The following CACNA1C variants were observed in gnomAD, a reference collection of about 807,000 sequenced individuals.
CACNA1C encodes voltage-dependent L-type calcium channel subunit alpha-1C.
A neutral mutation model predicts 229.0 loss-of-function variants in CACNA1C; 30 were observed. The observed-to-expected ratio is 0.13, with a 90% confidence interval of 0.10 to 0.18. The LOEUF (loss-of-function observed/expected upper bound fraction) is 0.18, where lower values mean the gene tolerates loss of function less well. CACNA1C is among the 10% of genes least tolerant of loss of function. The pLI is 1.00. For synonymous variants in CACNA1C, 1,114 were observed against 1,132.5 expected, an observed-to-expected ratio of 0.98 and a Z score of 0.33; for missense variants, 1,658 against 2,845.0, an observed-to-expected ratio of 0.58 and a Z score of 9.49.
chr12:2,524,799 A>T (rs1229417697), intron 9 of CACNA1C, among the ~76,000 whole-genome samples: 2 of 152,210 alleles, frequency 1.3e-5, no homozygotes, highest in Non-Finnish European at 2.9e-5. Context: ...CGGCCGGAAC[A>T]CAGCTCCCAC....
chr12:2,164,425 T>C (rs768906467), intron 3 of CACNA1C, among the ~76,000 whole-genome samples: 1 of 152,210 alleles, frequency 6.6e-6, no homozygotes, highest in Non-Finnish European at 1.5e-5. Context: ...TCCATATCTG[T>C]AAAATGAGAG....
chr12:2,040,720 G>A (rs369728019), intron 1 of CACNA1C, among the ~76,000 whole-genome samples: 77 of 152,308 alleles, frequency 5.1e-4, no homozygotes, highest in Middle Eastern at 6.8e-3. Context: ...AAAGATTATT[G>A]GGTGCTTCAA....
chr12:2,202,954 C>A (rs962380687), intron 3 of CACNA1C, among the ~76,000 whole-genome samples: 1 of 152,152 alleles, frequency 6.6e-6, no homozygotes, highest in Non-Finnish European at 1.5e-5. Flanking sequence ...TCTGGAAACC[C>A]AAGTACAATC....
intron 46 of CACNA1C, among the ~76,000 whole-genome samples, 177 bp downstream of exon 46, chr12:2,688,956 C>A (rs1323800198): frequency 1.3e-5 from 2 of 152,202 alleles, no homozygotes; most frequent in African/African-American, 4.8e-5. Context: ...GCCATGACTG[C>A]ACAAGATGCT....
chr12:2,037,030 A>G (rs1453541931), intron 1 of CACNA1C, among the ~76,000 whole-genome samples: 1 of 152,114 alleles, frequency 6.6e-6, no homozygotes, highest in Non-Finnish European at 1.5e-5. Context: ...TTACTTTGCT[A>G]TGTATGTCCT....
intron 3 of CACNA1C, among the ~76,000 whole-genome samples, chr12:2,266,280 T>C (rs1166690831): frequency 2.0e-5 from 3 of 152,186 alleles, no homozygotes; most frequent in Non-Finnish European, 4.4e-5. Context: ...ACTGGGGGCA[T>C]ATGGCCTTGT....
At chr12:2,450,234 C>T (rs1174125019) in intron 4 of CACNA1C, among the ~76,000 whole-genome samples, 2 of 152,096 alleles carry the variant, frequency 1.3e-5, no homozygotes, top group African/African-American at 2.4e-5. Context: ...AACAGGCCTA[C>T]CTACACTGGT....
At position 2,479,099 on chromosome 12, in the gene CACNA1C, C is replaced by T. The variant is rs759366705; in HGVS notation, c.758-7005C>T. On this transcript the variant is annotated intron_variant, in intron 5 of 46. Transcript: ENST00000399655. This position sits in a 1 kb window ranked among gnomAD's most constrained non-coding sequence, Gnocchi z 4.3. ...ATCTACATTTTCTTAGAATCTGCAT[C>T]GCAAATCCAAGGATAGTGAGGTTCA... Among the ~76,000 whole-genome samples, 7 of 151,798 alleles carry T rather than the reference C, an allele frequency of 4.6e-5. No homozygotes were observed. Among genetic ancestry groups the T allele is most frequent in the African/African-American group, 7.3e-5 (3 of 41,290 alleles).
intron 3 of CACNA1C, among the ~76,000 whole-genome samples, chr12:2,176,096 T>C (rs377009933): frequency 6.6e-6 from 1 of 152,024 alleles, no homozygotes; most frequent in East Asian, 1.9e-4. Context: ...GACAGGGACA[T>C]GAGGATGCTA....
At chr12:2,535,502 C>A (rs1473436565) in intron 9 of CACNA1C, among the ~76,000 whole-genome samples, 9 of 150,564 alleles carry the variant, frequency 6.0e-5, no homozygotes, top group Admixed American at 4.6e-4. Flanking sequence ...ACTTCAAGAC[C>A]AGTCTGGGCA....
intron 38 of CACNA1C, 31 bp downstream of exon 38, chr12:2,669,066 A>G: frequency 1.4e-6 from 2 of 1,410,770 alleles, no homozygotes; most frequent in South Asian, 2.3e-5. Context: ...TGGGAGAGAC[A>G]CTCAGAAGGT....
At chr12:2,324,056 G>C (rs1356179498) in intron 3 of CACNA1C, among the ~76,000 whole-genome samples, 1 of 152,200 alleles carries the variant, frequency 6.6e-6, no homozygotes, top group East Asian at 1.9e-4. Context: ...ATTTCCATTT[G>C]AGAACAAGCC....
intron 3 of CACNA1C, among the ~76,000 whole-genome samples, chr12:2,303,479 C>A (rs1235339510): frequency 6.6e-6 from 1 of 152,080 alleles, no homozygotes. Flanking sequence ...AATACCCTAC[C>A]CCTAGGCCAG....
chr12:2,585,758 C>A lies in CACNA1C; in HGVS notation c.2461-77C>A. 1 of 1,142,406 alleles carries A rather than the reference C, an allele frequency of 8.8e-7. No individual in the cohort carries two copies. The highest frequency in any genetic ancestry group is 1.3e-6 in the Non-Finnish European group (1 of 770,722). The allele number at this position is 1,142,406 out of a possible 1,614,324, so 70.8% of individuals were successfully genotyped here. A position where few individuals can be genotyped will look rare whatever the true frequency, so the allele number is the denominator to read the frequency against. On this transcript the variant is annotated intron_variant, in intron 17 of 46. Coordinates refer to ENST00000399655, the MANE Select transcript of CACNA1C (RefSeq NM_000719.7). This position sits in a 1 kb window ranked among gnomAD's most constrained non-coding sequence, Gnocchi z 4.1. ...AGCTAAGTCACTGACTAAAATGCAA[C>A]TTCAAGGCTACTGCAAGCCTCTTAA...
intron 3 of CACNA1C, among the ~76,000 whole-genome samples, chr12:2,421,476 A>C (rs1452863440): frequency 6.6e-6 from 1 of 152,156 alleles, no homozygotes; most frequent in Non-Finnish European, 1.5e-5. Context: ...ATCTGAGAGG[A>C]ACATCCCAGA....
rs1396128675 is a variant in CACNA1C at position 2,067,938 on chromosome 12, T to C, written c.49+14327T>C. On this transcript the variant is annotated intron_variant, in intron 1 of 46. Transcript: ENST00000399655. The surrounding 1 kb of genome is among the most constrained non-coding windows in gnomAD (Gnocchi z 5.3). ...GGAGAACCGGTTAGCCTTTGTGGAG[T>C]GTTAAGCCCTGCGATTTTATATCCT... Among the ~76,000 whole-genome samples, 2 of 152,082 alleles carry C rather than the reference T, an allele frequency of 1.3e-5. No individual in the cohort carries two copies. The highest frequency in any genetic ancestry group is 2.9e-5 in the Non-Finnish European group (2 of 68,016).
At chr12:2,107,864 A>T (rs1021686136) in intron 1 of CACNA1C, among the ~76,000 whole-genome samples, 1 of 152,140 alleles carries the variant, frequency 6.6e-6, no homozygotes, top group Non-Finnish European at 1.5e-5. Context: ...CACTTCTCAC[A>T]TTTCTTTGTC....
intron 3 of CACNA1C, among the ~76,000 whole-genome samples, chr12:2,310,216 A>G (rs2190732): frequency 0.044 from 6,666 of 152,124 alleles, 188 homozygotes; most frequent in Middle Eastern, 0.065. Flanking sequence ...GAGAGGCTAC[A>G]TAACTGAACC....
At chr12:2,002,002 T>C (rs558053018) in intron 1 of CACNA1C, among the ~76,000 whole-genome samples, 8 of 152,240 alleles carry the variant, frequency 5.3e-5, no homozygotes, top group Non-Finnish European at 1.2e-4. Flanking sequence ...ATTAATATTT[T>C]GGAGGCGGGG....
Sources: allele counts gnomAD v4.1 joint callset (sites outside exome capture counted in the v4.1 genomes callset), GRCh38; gene constraint gnomAD v4.1.1; non-coding constraint Gnocchi (gnomAD v3.1); transcripts MANE v1.5; gene names NCBI Gene and HGNC (gene_info 2026-07-23, HGNC 2026-07-21).